The following BRAF variants were observed in gnomAD, a reference collection of about 807,000 sequenced individuals.
BRAF encodes B-Raf proto-oncogene, serine/threonine kinase.
BRAF carries 16 observed loss-of-function variants against 104.6 expected under a neutral mutation model. The ratio of observed to expected loss-of-function variants is 0.15; its 90% CI spans 0.10 to 0.23. BRAF has a LOEUF of 0.23. Among genes scored for constraint, BRAF ranks in the 10% least tolerant of loss-of-function variants. BRAF has a pLI of 1.00. For missense variants in BRAF, 541 were observed against 937.3 expected (o/e 0.58, Z 5.52); for synonymous variants, 310 against 341.6 (o/e 0.91, Z 1.02).
At chr7:140,813,888 T>TAC (rs147877017) in intron 3 of BRAF, among the ~76,000 whole-genome samples, 15,108 of 147,336 alleles carry the variant, frequency 0.1, 749 homozygotes, top group South Asian at 0.15. Context: ...GACGCATACA[T>TAC]ACACACACAC....
Position 140,851,621 on chromosome 7 carries a change from A to T in BRAF, c.139-1409T>A, listed in dbSNP as rs557893337. ...GTATAGGATTCCAGGATTGAAGGAT[A>T]TACCTATTTTAAAATTTAATAAATA... is the stretch of plus-strand genomic sequence containing the variant. On this transcript the variant is annotated intron_variant, in intron 1 of 19. Transcript: ENST00000644969. Among the ~76,000 whole-genome samples, 255 of 152,196 alleles carry T rather than the reference A, an allele frequency of 1.7e-3. 2 individuals carry two copies. The highest frequency in any genetic ancestry group is 2.8e-3 in the Non-Finnish European group (193 of 68,024).
downstream of BRAF, among the ~76,000 whole-genome samples, chr7:140,714,697 C>T (rs552819031): frequency 1.3e-5 from 2 of 151,960 alleles, no homozygotes; most frequent in South Asian, 2.1e-4. Context: ...ATCACTCAGG[C>T]GTTGAGAATC....
chr7:140,871,607 C>A (rs1197569822), intron 1 of BRAF, among the ~76,000 whole-genome samples: 1 of 151,966 alleles, frequency 6.6e-6, no homozygotes, highest in Non-Finnish European at 1.5e-5. Flanking sequence ...CTAAAAAAAA[C>A]CAAGAGCATA....
chr7:140,785,975 G>A (rs985650172), intron 9 of BRAF, among the ~76,000 whole-genome samples: 2 of 152,182 alleles, frequency 1.3e-5, no homozygotes, highest in Non-Finnish European at 2.9e-5. Context: ...TTTTTAAAAA[G>A]TGACTCATGA....
At chr7:140,771,359 C>T (rs1030583761) in intron 14 of BRAF, among the ~76,000 whole-genome samples, 5 of 151,938 alleles carry the variant, frequency 3.3e-5, no homozygotes, top group African/African-American at 1.2e-4. Context: ...TCACATCCAG[C>T]TAATTTTTGT....
intron 1 of BRAF, among the ~76,000 whole-genome samples, chr7:140,922,112 G>GA (rs34454428): frequency 6.6e-6 from 1 of 151,914 alleles, no homozygotes. Context: ...TATCAGTTCA[G>GA]AAAAAAATGT....
intron 17 of BRAF, among the ~76,000 whole-genome samples, chr7:140,741,900 T>A (rs1188306408): frequency 6.6e-6 from 1 of 151,528 alleles, no homozygotes; most frequent in African/African-American, 2.4e-5. Flanking sequence ...GAGGTTGCAG[T>A]GAGCCAAGAT....
rs1418834400 is a variant in BRAF, at chr7:140,749,299, G to A, written c.2100C>T (p.Asn700=). The change falls in exon 17 of 20, where the codon AAC becomes AAT. Residue 700 remains asparagine (N), a synonymous_variant. Coordinates refer to ENST00000644969, the MANE Select transcript of BRAF (RefSeq NM_001374258.1). ...GGTAAATATTTACCTGGTCCCTGTT[G>A]TTGATGTTTGAATAAGGTAACTGTC... is the stretch of plus-strand genomic sequence containing the variant. ...MTGQLPYSNI[N]NRDQIIFMVG... 6 of 1,611,288 alleles carry A rather than the reference G, an allele frequency of 3.7e-6. No homozygotes were observed. Among genetic ancestry groups the A allele is most frequent in the African/African-American group, 1.3e-5 (1 of 74,792 alleles).
At chr7:140,898,576 G>A (rs1815226267) in intron 1 of BRAF, among the ~76,000 whole-genome samples, 1 of 152,178 alleles carries the variant, frequency 6.6e-6, no homozygotes, top group Admixed American at 6.5e-5. Context: ...ATAAAGCTAT[G>A]TAGAGAAGTT....
Position 140,793,839 on chromosome 7 carries a change from C to T in BRAF, c.1140+469G>A, listed in dbSNP as rs866115412. Among the ~76,000 whole-genome samples, 4 of 152,268 alleles carry T rather than the reference C, an allele frequency of 2.6e-5. No homozygotes were observed. The Middle Eastern group carries it at 0.01, about 388-fold the overall frequency. The stretch of plus-strand genomic sequence containing the variant: ...ATGGGGTCTCACTATGTTGCCTAGG[C>T]TGGTCTCTAACTTCTGGGTCAAGCG... On this transcript the variant is annotated intron_variant, in intron 8 of 19. Coordinates refer to ENST00000644969, the MANE Select transcript of BRAF (RefSeq NM_001374258.1).
intron 14 of BRAF, among the ~76,000 whole-genome samples, chr7:140,775,703 C>T (rs1800276523): frequency 1.3e-5 from 2 of 152,112 alleles, no homozygotes; most frequent in South Asian, 2.1e-4. Flanking sequence ...TTATCTGAAA[C>T]GTTGAGATTG....
intron 18 of BRAF, among the ~76,000 whole-genome samples, chr7:140,736,873 C>T (rs575476554): frequency 6.6e-6 from 1 of 152,082 alleles, no homozygotes; most frequent in South Asian, 2.1e-4. Context: ...TCTATCTCTA[C>T]AACCACCACC....
intron 19 of BRAF, among the ~76,000 whole-genome samples, chr7:140,729,944 T>C (rs1795842103): frequency 6.6e-6 from 1 of 152,186 alleles, no homozygotes. Flanking sequence ...ACTATCACTC[T>C]ATCAAAAGTC....
intron 11 of BRAF, 109 bp downstream of exon 10, chr7:140,782,912 G>T: frequency 1.5e-6 from 2 of 1,292,560 alleles, no homozygotes; most frequent in Non-Finnish European, 1.1e-6. Context: ...TTAATTATGG[G>T]AATTCTGTGT....
intron 1 of BRAF, among the ~76,000 whole-genome samples, chr7:140,921,801 T>TA (rs11284205): frequency 4.3e-4 from 63 of 146,256 alleles, no homozygotes; most frequent in Middle Eastern, 3.4e-3. Context: ...AACTTTTATT[T>TA]AAAAAAAAAA....
At chr7:140,881,204 T>G (rs1812866819) in intron 1 of BRAF, among the ~76,000 whole-genome samples, 5 of 152,204 alleles carry the variant, frequency 3.3e-5, no homozygotes, top group Admixed American at 3.3e-4. Flanking sequence ...GAGTAAATTT[T>G]GCAGAATTCC....
intron 19 of BRAF, among the ~76,000 whole-genome samples, chr7:140,728,104 C>G (rs1402256655): frequency 1.3e-5 from 2 of 152,220 alleles, no homozygotes; most frequent in Admixed American, 6.5e-5. Context: ...ATTGAATCCT[C>G]AGCTTTGTAA....
chr7:140,809,499 C>T (rs1804003060), intron 3 of BRAF, among the ~76,000 whole-genome samples: 1 of 152,170 alleles, frequency 6.6e-6, no homozygotes, highest in African/African-American at 2.4e-5. Flanking sequence ...CCTGTTTCCT[C>T]TGGGAATATT....
chr7:140,736,628 T>C (rs746506732), intron 18 of BRAF, among the ~76,000 whole-genome samples: 2 of 151,654 alleles, frequency 1.3e-5, no homozygotes, highest in South Asian at 2.1e-4. Flanking sequence ...AGTTTCTCCA[T>C]GTTGGTCAGG....
Sources: gnomAD v4.1 joint callset for allele counts (sites outside exome capture counted in the v4.1 genomes callset) on GRCh38, gnomAD v4.1.1 for gene constraint, MANE v1.5 for transcripts, NCBI Gene and HGNC (gene_info 2026-07-23, HGNC 2026-07-21) for gene names.